The following SNTG1 variants were observed in gnomAD, a reference collection of about 807,000 sequenced individuals.
The protein encoded by SNTG1 is syntrophin gamma 1.
A neutral mutation model predicts 74.7 loss-of-function variants in SNTG1; 39 were observed. The ratio of observed to expected loss-of-function variants is 0.52; its 90% CI spans 0.40 to 0.68. The LOEUF (loss-of-function observed/expected upper bound fraction) is 0.68. Ranked by LOEUF, SNTG1 falls within the 30% of genes least tolerant of loss-of-function variation. The pLI is 0.00. For synonymous variants in SNTG1, 254 were observed against 217.1 expected (o/e 1.17, Z -1.49); for missense variants, 685 against 609.5 (o/e 1.12, Z -1.30).
At chr8:49,949,340 T>C (rs924020557) in intron 1 of SNTG1, among the ~76,000 whole-genome samples, 8 of 152,220 alleles carry the variant, frequency 5.3e-5, no homozygotes, top group Admixed American at 2.6e-4. Context: ...ATTTACAGCT[T>C]AATTGAAAAT....
chr8:50,306,543 A>G (rs1445939726), intron 2 of SNTG1, among the ~76,000 whole-genome samples: 1 of 152,058 alleles, frequency 6.6e-6, no homozygotes, highest in African/African-American at 2.4e-5. Flanking sequence ...TTTTTACCAC[A>G]TCCACACCAA....
At chr8:50,296,266 T>C (rs1370098975) in intron 2 of SNTG1, among the ~76,000 whole-genome samples, 2 of 152,192 alleles carry the variant, frequency 1.3e-5, no homozygotes, top group Admixed American at 1.3e-4. Flanking sequence ...TTACTGGGAA[T>C]ATACCCAAAG....
intron 12 of SNTG1, among the ~76,000 whole-genome samples, chr8:50,574,282 C>A (rs2094564913): frequency 6.6e-6 from 1 of 152,076 alleles, no homozygotes; most frequent in African/African-American, 2.4e-5. Flanking sequence ...TATTCTTTCA[C>A]TTAAAAATAC....
chr8:50,206,013 C>T (rs1314413597), intron 2 of SNTG1, among the ~76,000 whole-genome samples: 1 of 152,122 alleles, frequency 6.6e-6, no homozygotes, highest in Non-Finnish European at 1.5e-5. Flanking sequence ...ATGCCTCCAG[C>T]TTTGTTCTTT....
chr8:50,789,690 A>G (rs574697790), intron 18 of SNTG1, among the ~76,000 whole-genome samples: 1 of 152,036 alleles, frequency 6.6e-6, no homozygotes, highest in Non-Finnish European at 1.5e-5. Context: ...ACCCCTTTCC[A>G]TATAGAAAAC....
At chr8:49,936,169 G>C (rs1808064205) in intron 1 of SNTG1, among the ~76,000 whole-genome samples, 1 of 152,180 alleles carries the variant, frequency 6.6e-6, no homozygotes, top group Non-Finnish European at 1.5e-5. Flanking sequence ...ATAATTTAAA[G>C]GGCTTAGTGC....
chr8:50,509,470 G>C (rs1206531196), intron 9 of SNTG1, among the ~76,000 whole-genome samples: 1 of 152,152 alleles, frequency 6.6e-6, no homozygotes, highest in Non-Finnish European at 1.5e-5. Context: ...TCGGTAGCTT[G>C]ATGGGGATGG....
At chr8:50,614,607 A>G (rs1444800504) in intron 13 of SNTG1, among the ~76,000 whole-genome samples, 3 of 152,178 alleles carry the variant, frequency 2.0e-5, no homozygotes, top group African/African-American at 2.4e-5. Context: ...TGAAATTTGC[A>G]TTTTAATTAT....
intron 2 of SNTG1, chr8:50,380,926 C>T (rs1275984736): frequency 1.3e-5 from 2 of 152,182 alleles, no homozygotes; most frequent in Admixed American, 1.3e-4. Flanking sequence ...GCTTCACTTT[C>T]ACTTTTCTTG....
chr8:50,354,826 C>CTGGA (rs2091772364), intron 2 of SNTG1, among the ~76,000 whole-genome samples: 1 of 152,104 alleles, frequency 6.6e-6, no homozygotes, highest in Non-Finnish European at 1.5e-5. Flanking sequence ...CTTGCAGTGG[C>CTGGA]TGGACTGAAT....
At position 50,119,422 on chromosome 8, in the gene SNTG1, G is replaced by A. The variant is rs543613436; in HGVS notation, c.-102-53139G>A. Among the ~76,000 whole-genome samples, 28 of 140,824 alleles carry A rather than the reference G, an allele frequency of 2.0e-4. 5 individuals carry two copies. Among genetic ancestry groups the A allele is most frequent in the African/African-American group, 7.2e-4 (28 of 39,038 alleles). The allele number at this position is 140,824 out of a possible 152,430, so 92.4% of individuals were successfully genotyped here. ...AGGCTTGTTCCCAGGATTCCTATAG[G>A]GGAGTGAGGCTGGCATGCAGCTGAA... On this transcript the variant is annotated intron_variant, in intron 1 of 18. Coordinates refer to ENST00000642720, the MANE Select transcript of SNTG1 (RefSeq NM_018967.5).
chr8:50,182,946 C>T (rs978394204), intron 2 of SNTG1, among the ~76,000 whole-genome samples: 1 of 152,058 alleles, frequency 6.6e-6, no homozygotes, highest in African/African-American at 2.4e-5. Flanking sequence ...ATATTATTCT[C>T]CCCTTTATCC....
chr8:50,396,646 T>G (rs1490342623), intron 3 of SNTG1, among the ~76,000 whole-genome samples: 4 of 152,362 alleles, frequency 2.6e-5, no homozygotes, highest in Admixed American at 2.6e-4. Context: ...CATTTTATTA[T>G]CTCTGCCTAC....
At chr8:50,268,357 A>C (rs911633519) in intron 2 of SNTG1, among the ~76,000 whole-genome samples, 1 of 152,200 alleles carries the variant, frequency 6.6e-6, no homozygotes, top group African/African-American at 2.4e-5. Flanking sequence ...ATTAATCTAT[A>C]GATTTAATAT....
chr8:50,221,434 T>C (rs1563759907), intron 2 of SNTG1, among the ~76,000 whole-genome samples: 1 of 150,284 alleles, frequency 6.7e-6, no homozygotes, highest in East Asian at 2.0e-4. Context: ...AAAATATTAA[T>C]AAAAAATAGA....
chr8:50,642,269 T>G (rs1415942661), intron 13 of SNTG1, among the ~76,000 whole-genome samples: 1 of 152,186 alleles, frequency 6.6e-6, no homozygotes, highest in Non-Finnish European at 1.5e-5. Context: ...GTTTCAAGTC[T>G]CTATCATCTC....
intron 9 of SNTG1, among the ~76,000 whole-genome samples, chr8:50,513,652 T>C (rs773876510): frequency 2.0e-5 from 3 of 152,192 alleles, no homozygotes; most frequent in Non-Finnish European, 2.9e-5. Flanking sequence ...TGCCTTGCGG[T>C]TTGATCTCAG....
chr8:50,065,246 G>A (rs1820810291), intron 1 of SNTG1, among the ~76,000 whole-genome samples: 2 of 152,164 alleles, frequency 1.3e-5, no homozygotes, highest in African/African-American at 2.4e-5. Flanking sequence ...TGAATTTACT[G>A]TAATTAGGAA....
chr8:50,793,892 T>C lies in SNTG1; in HGVS notation c.*1063T>C, dbSNP rs952600892. 7.2e-5 allele frequency: 11 copies of C among 151,934 alleles called. No individual in the cohort carries two copies. The highest frequency in any genetic ancestry group is 2.7e-4 in the African/African-American group (11 of 41,416). The allele number at this position is 151,934 out of a possible 1,614,324, so 9.4% of individuals were successfully genotyped here. A position where few individuals can be genotyped will look rare whatever the true frequency, so the allele number is the denominator to read the frequency against. On this transcript the variant is annotated 3_prime_UTR_variant, in exon 19 of 19. Transcript: ENST00000642720. ...TTTAAAGATAAAAGTTAAAATTCTTTAACCTCCCTTGTCATGGAAAGTGAT... is the reference window on the plus strand; with the variant it reads ...TTTAAAGATAAAAGTTAAAATTCTTCAACCTCCCTTGTCATGGAAAGTGAT...
Sources: gnomAD v4.1 joint callset for allele counts (sites outside exome capture counted in the v4.1 genomes callset) on GRCh38, gnomAD v4.1.1 for gene constraint, MANE v1.5 for transcripts, NCBI Gene and HGNC (gene_info 2026-07-23, HGNC 2026-07-21) for gene names.